DPYSL3: variants seen among roughly 807,000 people sequenced by gnomAD.
DPYSL3 encodes the protein dihydropyrimidinase like 3.
In DPYSL3, 16 loss-of-function variants were observed where a neutral mutation model predicts 66.1. The ratio of observed to expected loss-of-function variants is 0.24; its 90% CI spans 0.16 to 0.37. DPYSL3 has a LOEUF of 0.37. Ranked by LOEUF, DPYSL3 falls within the 10% of genes least tolerant of loss-of-function variation. The probability of loss-of-function intolerance (pLI) is 1.00; values close to 1 mark genes in which losing one functional copy is unlikely to be tolerated. For missense variants in DPYSL3, 738 were observed against 916.2 expected (o/e 0.81, Z 2.51); for synonymous variants, 338 against 345.1 (o/e 0.98, Z 0.23).
chr5:147,458,195 A>G (rs1386803485), intron 1 of DPYSL3, among the ~76,000 whole-genome samples: 2 of 152,184 alleles, frequency 1.3e-5, no homozygotes, highest in African/African-American at 2.4e-5. Context: ...ACAGGATGAG[A>G]GAGGAGGTCG....
At chr5:147,423,522 A>G (rs1752126950) in intron 2 of DPYSL3, among the ~76,000 whole-genome samples, 1 of 152,196 alleles carries the variant, frequency 6.6e-6, no homozygotes, top group Admixed American at 6.5e-5. Flanking sequence ...CCTGGCACAT[A>G]CTACACACTC....
At chr5:147,442,452 T>C (rs1752550751) in intron 1 of DPYSL3, among the ~76,000 whole-genome samples, 1 of 152,142 alleles carries the variant, frequency 6.6e-6, no homozygotes, top group South Asian at 2.1e-4. Context: ...GAATGAGTGG[T>C]GACAAGAATA....
intron 13 of DPYSL3, 93 bp from the exon 14 acceptor site, chr5:147,394,216 G>A: frequency 7.6e-7 from 1 of 1,311,502 alleles, no homozygotes; most frequent in Non-Finnish European, 1.1e-6. Flanking sequence ...AATTTTAAGA[G>A]TGCAAGATAT....
intron 9 of DPYSL3, 104 bp downstream of exon 9, chr5:147,401,436 A>T (rs529400160): frequency 7.6e-7 from 1 of 1,321,316 alleles, no homozygotes; most frequent in Non-Finnish European, 1.0e-6. Context: ...CACACTGCAG[A>T]CTCTGGTCAA....
Position 147,393,987 on chromosome 5 carries a change from C to T in DPYSL3, c.*48G>A. 1 of 1,597,252 alleles carries T rather than the reference C, an allele frequency of 6.3e-7. No homozygotes were observed. The highest frequency in any genetic ancestry group is 8.6e-7 in the Non-Finnish European group (1 of 1,166,516). ...AAATATCGGTGTACCATTTTGGCTT[C>T]AAAACAATCTCTTCTTGCTTCTGCC... On this transcript the variant is annotated 3_prime_UTR_variant, in exon 14 of 14. Transcript: ENST00000343218.
At chr5:147,436,072 C>A (rs1006857512) in intron 1 of DPYSL3, among the ~76,000 whole-genome samples, 1 of 152,176 alleles carries the variant, frequency 6.6e-6, no homozygotes, top group Non-Finnish European at 1.5e-5. Flanking sequence ...ACCCCGACTT[C>A]ATTGTTCACT....
intron 1 of DPYSL3, among the ~76,000 whole-genome samples, chr5:147,455,768 A>C (rs1405006811): frequency 2.6e-5 from 4 of 152,124 alleles, no homozygotes; most frequent in African/African-American, 9.7e-5. Context: ...CCTAAAAAAA[A>C]AATACCGCTG....
At chr5:147,436,339 A>C (rs893110880) in intron 1 of DPYSL3, among the ~76,000 whole-genome samples, 1 of 152,252 alleles carries the variant, frequency 6.6e-6, no homozygotes, top group Non-Finnish European at 1.5e-5. Context: ...TATATCATGA[A>C]CTGAAGAAAT....
chr5:147,493,232 G>A (rs1346070535), intron 1 of DPYSL3, among the ~76,000 whole-genome samples: 5 of 152,192 alleles, frequency 3.3e-5, no homozygotes, highest in African/African-American at 1.2e-4. Flanking sequence ...GGAAAGAGAT[G>A]AATCCATTAT....
In DPYSL3 at chr5:147,509,797, G is replaced by A; in HGVS notation, c.62C>T (p.Ala21Val). The change falls in exon 1 of 14, where the codon GCC becomes GTC. Residue 21 changes from alanine to valine, a missense_variant. Physicochemically the swap from Ala to Val is moderately conservative, Grantham distance 64. Coordinates refer to ENST00000343218, the MANE Select transcript of DPYSL3 (RefSeq NM_001197294.2). The surrounding 1 kb of genome is among the most constrained non-coding windows in gnomAD (Gnocchi z 5.3). ...SHEDDLPVYLARPGTTDQVPR... is the reference protein window; with the variant it reads ...SHEDDLPVYLVRPGTTDQVPR... ...GACCTGGTCCGTGGTGCCCGGCCTG[G>A]CCAGGTACACGGGCAGATCGTCTTC... 6.5e-7 allele frequency: 1 copy of A among 1,535,948 alleles called. No homozygotes were observed. Among genetic ancestry groups the A allele is most frequent in the Non-Finnish European group, 8.7e-7 (1 of 1,146,774 alleles).
rs1319787861 is a variant in DPYSL3, at chr5:147,411,906, T to TGAA, written c.963+699_963+701dup. Among the ~76,000 whole-genome samples the TGAA allele has an allele frequency of 6.6e-5, 10 of 152,348 alleles. No homozygotes were observed. In the East Asian group the frequency reaches 1.9e-3, roughly 29 times the overall value. ...CTTGTTGCCAACATTATCAAATGGA[T>TGAA]GAAGAAAGCTCACTCTTTTTTTTTC... is the stretch of plus-strand genomic sequence containing the variant. On this transcript the variant is annotated intron_variant, in intron 6 of 13. Transcript: ENST00000343218.
chr5:147,423,030 C>A (rs1027826764), intron 2 of DPYSL3, among the ~76,000 whole-genome samples: 1 of 152,030 alleles, frequency 6.6e-6, no homozygotes, highest in Non-Finnish European at 1.5e-5. Flanking sequence ...GTTCTGTGAA[C>A]AATTAGTGCT....
intron 1 of DPYSL3, among the ~76,000 whole-genome samples, chr5:147,433,258 T>C (rs1337062229): frequency 6.6e-6 from 1 of 151,802 alleles, no homozygotes; most frequent in Non-Finnish European, 1.5e-5. Context: ...GGCAGTACAG[T>C]AGAAGGATGA....
intron 1 of DPYSL3, among the ~76,000 whole-genome samples, chr5:147,433,599 C>T (rs750807827): frequency 6.6e-5 from 10 of 152,194 alleles, no homozygotes; most frequent in Non-Finnish European, 1.3e-4. Flanking sequence ...CTTGATGCTT[C>T]TTTGTGCCTC....
chr5:147,410,755 A>T (rs1751835557), intron 6 of DPYSL3, among the ~76,000 whole-genome samples: 1 of 152,208 alleles, frequency 6.6e-6, no homozygotes, highest in Non-Finnish European at 1.5e-5. Flanking sequence ...TCACTTTTGA[A>T]TAAGTGCAGC....
chr5:147,454,455 G>A (rs1752809322), intron 1 of DPYSL3, among the ~76,000 whole-genome samples: 1 of 152,212 alleles, frequency 6.6e-6, no homozygotes, highest in African/African-American at 2.4e-5. Context: ...GCTGCAAGGG[G>A]CACGGTAGCA....
chr5:147,408,411 C>T (rs1751766766), intron 7 of DPYSL3, among the ~76,000 whole-genome samples: 3 of 151,966 alleles, frequency 2.0e-5, no homozygotes, highest in Middle Eastern at 3.2e-3. Flanking sequence ...TTGCAGGACT[C>T]GAAATAAGGG....
chr5:147,425,721 T>C (rs931851395), intron 1 of DPYSL3, among the ~76,000 whole-genome samples: 3 of 152,170 alleles, frequency 2.0e-5, no homozygotes, highest in African/African-American at 7.2e-5. Context: ...CAGGAAACAA[T>C]GCAAGTTATT....
rs537561449 is a variant in DPYSL3 at position 147,419,302 on chromosome 5, C to T, written c.471-671G>A. Among the ~76,000 whole-genome samples the T allele has an allele frequency of 8.5e-5, 13 of 152,178 alleles. No homozygotes were observed. The East Asian group carries it at 1.7e-3, about 20-fold the overall frequency. ...CAGTGTCCCAGTAGAAGCTTTTAGC[C>T]GAGCTGAGTGATTATGAGAACCGCC... On this transcript the variant is annotated intron_variant, in intron 2 of 13. Coordinates refer to ENST00000343218, the MANE Select transcript of DPYSL3 (RefSeq NM_001197294.2).
Sources: allele counts gnomAD v4.1 joint callset (sites outside exome capture counted in the v4.1 genomes callset), GRCh38; gene constraint gnomAD v4.1.1; non-coding constraint Gnocchi (gnomAD v3.1); transcripts MANE v1.5; gene names NCBI Gene and HGNC (gene_info 2026-07-23, HGNC 2026-07-21).